The following SLC26A11 variants were observed in gnomAD, a reference collection of about 807,000 sequenced individuals.
The protein encoded by SLC26A11 is sodium-independent sulfate anion transporter.
Under a neutral mutation model 62.2 loss-of-function variants are expected in SLC26A11, and 58 were observed. The observed-to-expected ratio is 0.93, with a 90% confidence interval of 0.76 to 1.16. SLC26A11 has a LOEUF of 1.16. SLC26A11 is among the 50% of genes most tolerant of loss of function. The pLI is 0.00. For missense variants in SLC26A11, 790 were observed against 794.3 expected (o/e 0.99, Z 0.06); for synonymous variants, 411 against 368.9 (o/e 1.11, Z -1.31).
chr17:80,236,852 A>G (rs1431946213), intron 7 of SLC26A11, 76 bp from the exon 8 acceptor site: 3 of 1,497,474 alleles, frequency 2.0e-6, no homozygotes, highest in African/African-American at 2.8e-5. Context: ...TGTCTGCCCC[A>G]GTAACCTGGA....
In SLC26A11 at chr17:80,224,833, A is replaced by G. The variant is rs1373015450; in HGVS notation, c.514-1004A>G. Among the ~76,000 whole-genome samples, 5 of 152,168 alleles carry G rather than the reference A, an allele frequency of 3.3e-5. No individual in the cohort carries two copies. In the South Asian group the frequency reaches 1.0e-3, roughly 32 times the overall value. On this transcript the variant is annotated intron_variant, in intron 5 of 17. Transcript: ENST00000361193. ...ATACTTGGCAACCCTAGCCCCGCCCAGGGACTCTGCAGCCATCTGGGGGGA... is the reference window on the plus strand; with the variant it reads ...ATACTTGGCAACCCTAGCCCCGCCCGGGGACTCTGCAGCCATCTGGGGGGA...
intron 9 of SLC26A11, 144 bp downstream of exon 9, chr17:80,237,738 A>G (rs973697058): frequency 2.6e-6 from 2 of 759,488 alleles, no homozygotes; most frequent in Non-Finnish European, 4.3e-6. Context: ...ATAGATACAT[A>G]TGTATTGTGT....
At chr17:80,230,007 C>T (rs1181656275) in intron 7 of SLC26A11, among the ~76,000 whole-genome samples, 1 of 151,950 alleles carries the variant, frequency 6.6e-6, no homozygotes. Flanking sequence ...AGTTTGAAAC[C>T]AGCTTGGCCA....
At position 80,222,821 on chromosome 17, in the gene SLC26A11, A is replaced by C; in HGVS notation, c.401A>C (p.Gln134Pro). ...CTGGCCTTCCTGTCCGGCTGCATCCAGCTGGCCATGGGGGTCCTGCGTTTG... is the reference window on the plus strand; with the variant it reads ...CTGGCCTTCCTGTCCGGCTGCATCCCGCTGGCCATGGGGGTCCTGCGTTTG... ...VLLAFLSGCIQLAMGVLRLGF... is the reference protein window; with the variant it reads ...VLLAFLSGCIPLAMGVLRLGF... The change falls in exon 4 of 18, where the codon CAG becomes CCG. Residue 134 changes from glutamine (Q) to proline (P), a missense_variant. Gln to Pro is a moderately conservative substitution (Grantham distance 76, BLOSUM62 -1). Coordinates refer to ENST00000361193, the MANE Select transcript of SLC26A11 (RefSeq NM_001166347.2). This position sits in a 1 kb window ranked among gnomAD's most constrained non-coding sequence, Gnocchi z 4.7. The C allele has an allele frequency of 6.2e-7, 1 of 1,614,098 alleles. No homozygotes were observed.
chr17:80,221,342 G>C, intron 2 of SLC26A11: 1 of 511,286 alleles, frequency 2.0e-6, no homozygotes, highest in Non-Finnish European at 3.4e-6. Flanking sequence ...CAGGGAGAGA[G>C]GGTGATGAGG....
At chr17:80,241,621 A>G in intron 9 of SLC26A11, 150 bp from the exon 10 acceptor site, 1 of 792,004 alleles carries the variant, frequency 1.3e-6, no homozygotes. Context: ...GTTTACACGC[A>G]CATATATGTG....
At chr17:80,250,433 G>A (rs12938473) in intron 16 of SLC26A11, among the ~76,000 whole-genome samples, 45,866 of 152,018 alleles carry the variant, frequency 0.3, 7,875 homozygotes, top group East Asian at 0.61. Context: ...TGGTGGGCCC[G>A]GCTTCAGATT....
At chr17:80,245,129 C>G in intron 10 of SLC26A11, 67 bp from the exon 11 acceptor site, 1 of 1,487,248 alleles carries the variant, frequency 6.7e-7, no homozygotes, top group Admixed American at 1.7e-5. Flanking sequence ...TGTCCCCCTC[C>G]CCATCTCCTT....
Position 80,223,018 on chromosome 17 carries a change from A to G in SLC26A11, c.427+171A>G, listed in dbSNP as rs1372419263. ...GGGTGGGGCACTTGGCTCTTAGTCT[A>G]CTCTTTTCTGCTTAGAGGCCAGGAC... On this transcript the variant is annotated intron_variant, in intron 4 of 17. Transcript: ENST00000361193. The surrounding 1 kb of genome is among the most constrained non-coding windows in gnomAD (Gnocchi z 4.6). Among the ~76,000 whole-genome samples the G allele has an allele frequency of 2.0e-5, 3 of 150,538 alleles. No homozygotes were observed. The highest frequency in any genetic ancestry group is 1.3e-4 in the Admixed American group (2 of 15,104).
intron 7 of SLC26A11, chr17:80,236,720 G>T: frequency 1.8e-6 from 1 of 549,342 alleles, no homozygotes; most frequent in Non-Finnish European, 3.2e-6. Flanking sequence ...GCACCTGTCC[G>T]CAGCCTGCAG....
At chr17:80,226,225 G>C (rs897561360) in intron 6 of SLC26A11, among the ~76,000 whole-genome samples, 2 of 152,172 alleles carry the variant, frequency 1.3e-5, no homozygotes, top group African/African-American at 4.8e-5. Flanking sequence ...TGGGGGACAG[G>C]AATGGGGAGA....
Position 80,225,926 on chromosome 17 carries a change from G to A in SLC26A11, c.593+10G>A, listed in dbSNP as rs757168167. The A allele has an allele frequency of 1.2e-6, 2 of 1,613,146 alleles. No individual in the cohort carries two copies. The highest frequency in any genetic ancestry group is 3.3e-5 in the Admixed American group (2 of 59,978). ...GGATTGCAGAGACCAGGTACCCCGG[G>A]CTTTGTTCCTCCCTCCTATAAGGAA... On this transcript the variant is annotated intron_variant, in intron 6 of 17. Transcript: ENST00000361193.
Position 80,246,967 on chromosome 17 carries a change from G to A in SLC26A11, c.1294+318G>A, listed in dbSNP as rs1356822151. Among the ~76,000 whole-genome samples the A allele has an allele frequency of 1.3e-5, 2 of 151,776 alleles. No homozygotes were observed. The highest frequency in any genetic ancestry group is 4.8e-5 in the African/African-American group (2 of 41,280). ...CCCGCCTCCAGCCACCACTCTGCCC[G>A]GCCCAGCTGGGGGAGGGACAGGAGA... On this transcript the variant is annotated intron_variant, in intron 13 of 17. Coordinates refer to ENST00000361193, the MANE Select transcript of SLC26A11 (RefSeq NM_001166347.2). This position sits in a 1 kb window ranked among gnomAD's most constrained non-coding sequence, Gnocchi z 4.4.
At chr17:80,234,425 T>C (rs568874306) in intron 7 of SLC26A11, among the ~76,000 whole-genome samples, 1 of 152,356 alleles carries the variant, frequency 6.6e-6, no homozygotes, top group East Asian at 1.9e-4. Flanking sequence ...ATATTCTTTA[T>C]CACTGGTTTT....
At chr17:80,232,394 A>T (rs2042588334) in intron 7 of SLC26A11, among the ~76,000 whole-genome samples, 1 of 152,060 alleles carries the variant, frequency 6.6e-6, no homozygotes, top group Non-Finnish European at 1.5e-5. Flanking sequence ...AGCTGGAATT[A>T]CAGGCTTGCA....
chr17:80,250,287 G>A lies in SLC26A11; in HGVS notation c.1656+1000G>A, dbSNP rs568171429. Among the ~76,000 whole-genome samples the A allele has an allele frequency of 3.9e-5, 6 of 152,298 alleles. No individual in the cohort carries two copies. The East Asian group carries it at 9.6e-4, about 24-fold the overall frequency. ...AAGTGACCCGTATACCCCAGGTGTG[G>A]ACCACAGCCGACCCTTGTCAGAGTT... On this transcript the variant is annotated intron_variant, in intron 16 of 17. Transcript: ENST00000361193.
chr17:80,227,090 A>G (rs2042433949), intron 6 of SLC26A11, among the ~76,000 whole-genome samples: 4 of 152,176 alleles, frequency 2.6e-5, no homozygotes, highest in Admixed American at 2.6e-4. Context: ...GTTTAGTCCT[A>G]AGCCTTCTAG....
chr17:80,251,226 C>T (rs1420031866), intron 16 of SLC26A11, 103 bp from the exon 17 acceptor site: 2 of 1,611,148 alleles, frequency 1.2e-6, no homozygotes, highest in African/African-American at 2.7e-5. Context: ...GAGGTGAAGC[C>T]ATACCTCTCC....
At chr17:80,251,224 G>C in intron 16 of SLC26A11, 105 bp from the exon 17 acceptor site, 1 of 1,608,836 alleles carries the variant, frequency 6.2e-7, no homozygotes, top group Non-Finnish European at 8.5e-7. Flanking sequence ...TGGAGGTGAA[G>C]CCATACCTCT....
Sources: gnomAD v4.1 joint callset for allele counts (sites outside exome capture counted in the v4.1 genomes callset) on GRCh38, gnomAD v4.1.1 for gene constraint, Gnocchi (gnomAD v3.1) non-coding constraint, MANE v1.5 for transcripts, NCBI Gene and HGNC (gene_info 2026-07-23, HGNC 2026-07-21) for gene names.